The following OPCML variants were observed in gnomAD, a reference collection of about 807,000 sequenced individuals.
The protein encoded by OPCML is opioid binding protein/cell adhesion molecule like.
OPCML carries 13 observed loss-of-function variants against 37.8 expected under a neutral mutation model. The observed-to-expected ratio is 0.34, with a 90% CI of 0.22 to 0.55. The LOEUF (loss-of-function observed/expected upper bound fraction) is 0.55. Among genes scored for constraint, OPCML ranks in the 20% least tolerant of loss-of-function variants. OPCML has a pLI of 0.91. For missense variants in OPCML, 341 were observed against 435.6 expected, an observed-to-expected ratio of 0.78 and a Z score of 1.93; for synonymous variants, 176 against 168.8, an observed-to-expected ratio of 1.04 and a Z score of -0.33.
At chr11:133,277,645 T>A (rs1328115892) in intron 1 of OPCML, among the ~76,000 whole-genome samples, 1 of 152,124 alleles carries the variant, frequency 6.6e-6, no homozygotes, top group Non-Finnish European at 1.5e-5. Context: ...TTCCTTATCA[T>A]ATGTATTCCT....
At chr11:133,296,363 A>T (rs12422071) in intron 1 of OPCML, among the ~76,000 whole-genome samples, 7,382 of 152,194 alleles carry the variant, frequency 0.049, 204 homozygotes, top group Middle Eastern at 0.071. Context: ...TCAGCCCATG[A>T]TTTGCCTTCA....
In OPCML at chr11:132,437,398, T is replaced by C. The variant is rs752286284; in HGVS notation, c.506-39A>G. 7.0e-5 allele frequency: 112 copies of C among 1,607,952 alleles called. 1 individual carries two copies. Among genetic ancestry groups the C allele is most frequent in the Non-Finnish European group, 4.2e-6 (5 of 1,176,872 alleles). On this transcript the variant is annotated intron_variant, in intron 4 of 7. Transcript: ENST00000524381. Reference sequence around the variant, plus strand: ...AGCAGACAGGAAACAATCAGGAAACTGTGTAACCAGGGACAGAACCATATT... The same window carrying C: ...AGCAGACAGGAAACAATCAGGAAACCGTGTAACCAGGGACAGAACCATATT...
chr11:133,018,386 CCCT>C (rs998339777), intron 1 of OPCML, among the ~76,000 whole-genome samples: 2 of 151,654 alleles, frequency 1.3e-5, no homozygotes, highest in African/African-American at 4.9e-5. Context: ...CTTCTTTTTC[CCCT>C]CCTTTTTATT....
Position 133,020,238 on chromosome 11 carries a change from G to A in OPCML, c.62-77228C>T, listed in dbSNP as rs150158657. ...AAAGACAGTTTCAGCAGAAATGGTC[G>A]GCCCATCTCAATGAGGCAGGCCTGA... On this transcript the variant is annotated intron_variant, in intron 1 of 7. Coordinates refer to ENST00000524381, the MANE Select transcript of OPCML (RefSeq NM_001012393.5). Among the ~76,000 whole-genome samples the A allele has an allele frequency of 1.6e-4, 25 of 152,216 alleles. No homozygotes were observed. The East Asian group carries it at 4.4e-3, about 27-fold the overall frequency.
At chr11:132,617,096 A>C (rs1939079225) in intron 3 of OPCML, among the ~76,000 whole-genome samples, 1 of 152,216 alleles carries the variant, frequency 6.6e-6, no homozygotes, top group African/African-American at 2.4e-5. Context: ...GTCTAGTCCT[A>C]CTCGAAACAT....
At position 133,212,511 on chromosome 11, in the gene OPCML, C is replaced by T. The variant is rs1166563524; in HGVS notation, c.62-269501G>A. ...CTCCATTGTCTCATCTTCCAGAACG[C>T]CGACCCTCGGCACCCTATTGAAGTT... is the stretch of plus-strand genomic sequence containing the variant. On this transcript the variant is annotated intron_variant, in intron 1 of 7. Transcript: ENST00000524381. This position sits in a 1 kb window ranked among gnomAD's most constrained non-coding sequence, Gnocchi z 4.9. 6.6e-6 allele frequency among the ~76,000 whole-genome samples: 1 copy of T among 152,186 alleles called. No homozygotes were observed. Among genetic ancestry groups the T allele is most frequent in the Admixed American group, 6.5e-5 (1 of 15,282 alleles).
rs775314197 is a variant in OPCML, at chr11:132,875,287, G to A, written c.146+67639C>T. On this transcript the variant is annotated intron_variant, in intron 2 of 7. Transcript: ENST00000524381. ...AAACCCTGTCTCTATCACCTTGGAC[G>A]AGTCACTTCTGAGCCATAGTTTTCT... Among the ~76,000 whole-genome samples the A allele has an allele frequency of 2.0e-5, 3 of 152,068 alleles. No individual in the cohort carries two copies. The East Asian group carries it at 5.8e-4, about 29-fold the overall frequency.
chr11:132,496,628 T>C (rs1021713010), intron 4 of OPCML, among the ~76,000 whole-genome samples: 1 of 152,158 alleles, frequency 6.6e-6, no homozygotes, highest in Non-Finnish European at 1.5e-5. Flanking sequence ...CTCTCATCAC[T>C]CAATAAATTC....
intron 1 of OPCML, among the ~76,000 whole-genome samples, chr11:133,338,638 A>AG (rs1474099665): frequency 1.3e-5 from 2 of 152,222 alleles, no homozygotes; most frequent in African/African-American, 2.4e-5. Context: ...TGAAGTCTCT[A>AG]GGGCGGGTTG....
chr11:133,488,543 C>T (rs918868635), intron 1 of OPCML, among the ~76,000 whole-genome samples: 1 of 151,710 alleles, frequency 6.6e-6, no homozygotes, highest in Non-Finnish European at 1.5e-5. Flanking sequence ...ATATATGTAA[C>T]CAAGAAGGTG....
chr11:132,907,783 G>T (rs1477654833), intron 2 of OPCML, among the ~76,000 whole-genome samples: 1 of 149,816 alleles, frequency 6.7e-6, no homozygotes, highest in East Asian at 1.9e-4. Context: ...AATGCTCACT[G>T]CACGTTGCTC....
intron 1 of OPCML, among the ~76,000 whole-genome samples, chr11:132,996,066 T>C (rs533252352): frequency 2.6e-5 from 4 of 152,294 alleles, no homozygotes; most frequent in Admixed American, 6.5e-5. Flanking sequence ...GGCTCCCTGC[T>C]GCCTAGGGAG....
chr11:133,386,397 G>C (rs1231892608), intron 1 of OPCML, among the ~76,000 whole-genome samples: 1 of 152,158 alleles, frequency 6.6e-6, no homozygotes, highest in African/African-American at 2.4e-5. Flanking sequence ...TAATAGCCTA[G>C]TGTACCATAA....
intron 3 of OPCML, among the ~76,000 whole-genome samples, chr11:132,541,197 G>A (rs965892475): frequency 2.6e-5 from 4 of 152,174 alleles, no homozygotes; most frequent in African/African-American, 9.7e-5. Flanking sequence ...TCTCTCACAG[G>A]AAGGCCCCCT....
chr11:132,896,244 C>T (rs1337896546), intron 2 of OPCML, among the ~76,000 whole-genome samples: 1 of 152,146 alleles, frequency 6.6e-6, no homozygotes, highest in Non-Finnish European at 1.5e-5. Context: ...TTAAACCCTA[C>T]TCGGACACAC....
At chr11:132,754,777 G>A (rs377123515) in intron 2 of OPCML, among the ~76,000 whole-genome samples, 1 of 152,136 alleles carries the variant, frequency 6.6e-6, no homozygotes, top group African/African-American at 2.4e-5. Flanking sequence ...TCAGAGTGAT[G>A]CTAGAAAGGG....
chr11:133,079,932 C>T (rs1455012917), intron 1 of OPCML, among the ~76,000 whole-genome samples: 1 of 152,234 alleles, frequency 6.6e-6, no homozygotes, highest in Non-Finnish European at 1.5e-5. Flanking sequence ...TTTCACAAAG[C>T]AGCTCATTGG....
intron 3 of OPCML, among the ~76,000 whole-genome samples, chr11:132,640,314 C>T (rs1330579554): frequency 1.3e-5 from 2 of 152,068 alleles, no homozygotes; most frequent in South Asian, 2.1e-4. Context: ...TTAGGAACCC[C>T]GGGATAAGCA....
chr11:133,207,799 A>G (rs1939155348), intron 1 of OPCML, among the ~76,000 whole-genome samples: 1 of 152,086 alleles, frequency 6.6e-6, no homozygotes, highest in African/African-American at 2.4e-5. Flanking sequence ...TGCCGTCACT[A>G]TGATTATCTT....
Sources: allele counts gnomAD v4.1 joint callset (sites outside exome capture counted in the v4.1 genomes callset), GRCh38; gene constraint gnomAD v4.1.1; non-coding constraint Gnocchi (gnomAD v3.1); transcripts MANE v1.5; gene names NCBI Gene and HGNC (gene_info 2026-07-23, HGNC 2026-07-21).